PCDH9: variants seen among roughly 807,000 people sequenced by gnomAD.
PCDH9 encodes protocadherin-9.
A neutral mutation model predicts 70.6 loss-of-function variants in PCDH9; 24 were observed. The observed-to-expected ratio is 0.34, with a 90% CI of 0.25 to 0.48. The LOEUF (loss-of-function observed/expected upper bound fraction) is 0.48. Among genes scored for constraint, PCDH9 ranks in the 20% least tolerant of loss-of-function variants. The pLI is 0.99. For synonymous variants in PCDH9, 562 were observed against 558.5 expected (o/e 1.01, Z -0.09); for missense variants, 1,281 against 1,503.6 (o/e 0.85, Z 2.45).
intron 4 of PCDH9, among the ~76,000 whole-genome samples, chr13:66,579,603 T>C (rs2076862236): frequency 6.6e-6 from 1 of 152,060 alleles, no homozygotes; most frequent in Admixed American, 6.6e-5. Flanking sequence ...TAGCAATCAT[T>C]GTGGCAATAA....
At chr13:66,615,652 G>C (rs964596087) in intron 4 of PCDH9, among the ~76,000 whole-genome samples, 1 of 152,178 alleles carries the variant, frequency 6.6e-6, no homozygotes, top group Non-Finnish European at 1.5e-5. Context: ...ATCATGAAGA[G>C]CTGAAATACT....
intron 2 of PCDH9, among the ~76,000 whole-genome samples, chr13:66,945,147 T>A (rs193146484): frequency 1.5e-3 from 229 of 152,206 alleles, no homozygotes; most frequent in African/African-American, 5.4e-3. Context: ...AAGGTATCTA[T>A]ATCAGGAAGA....
At chr13:66,959,997 C>T (rs553862589) in intron 2 of PCDH9, among the ~76,000 whole-genome samples, 1 of 152,158 alleles carries the variant, frequency 6.6e-6, no homozygotes, top group Admixed American at 6.5e-5. Flanking sequence ...TCTAACAAAT[C>T]AGAATACTTA....
chr13:66,665,568 A>T (rs1324076557), intron 3 of PCDH9, among the ~76,000 whole-genome samples: 3 of 152,092 alleles, frequency 2.0e-5, no homozygotes, highest in Non-Finnish European at 4.4e-5. Context: ...GACTTCCTTG[A>T]CGCATCCAAT....
At chr13:66,375,586 T>C (rs1475655275) in intron 4 of PCDH9, among the ~76,000 whole-genome samples, 1 of 152,140 alleles carries the variant, frequency 6.6e-6, no homozygotes, top group African/African-American at 2.4e-5. Context: ...TTAAGTATTA[T>C]CTTGTAATAT....
intron 4 of PCDH9, among the ~76,000 whole-genome samples, chr13:66,628,115 G>A (rs547004934): frequency 3.3e-5 from 5 of 152,134 alleles, no homozygotes; most frequent in South Asian, 4.1e-4. Context: ...TTTTCTAGCC[G>A]AAAAAACAAA....
chr13:67,007,297 T>G (rs2084371772), intron 2 of PCDH9, among the ~76,000 whole-genome samples: 1 of 152,004 alleles, frequency 6.6e-6, no homozygotes, highest in Non-Finnish European at 1.5e-5. Flanking sequence ...TTTATAAGTA[T>G]TAAAAGATAA....
chr13:66,325,313 G>A (rs985743510), intron 4 of PCDH9, among the ~76,000 whole-genome samples: 1 of 151,982 alleles, frequency 6.6e-6, no homozygotes, highest in African/African-American at 2.4e-5. Context: ...AAGGATAAGC[G>A]CTGGTCTTTA....
chr13:66,667,439 T>A (rs1195444978), intron 3 of PCDH9, among the ~76,000 whole-genome samples: 1 of 152,200 alleles, frequency 6.6e-6, no homozygotes, highest in African/African-American at 2.4e-5. Flanking sequence ...CCTTATTTTT[T>A]TTCTCTCAGT....
At chr13:67,013,570 A>G (rs757189118) in intron 2 of PCDH9, among the ~76,000 whole-genome samples, 27 of 152,058 alleles carry the variant, frequency 1.8e-4, no homozygotes, top group Non-Finnish European at 3.2e-4. Flanking sequence ...TAATTATAAC[A>G]CAATGCTTTA....
intron 2 of PCDH9, among the ~76,000 whole-genome samples, chr13:67,128,714 G>A (rs542704185): frequency 5.9e-5 from 9 of 152,260 alleles, no homozygotes; most frequent in Non-Finnish European, 1.2e-4. Context: ...GGCTTTTGTG[G>A]ATAAACGATA....
chr13:66,432,279 C>T (rs751623326), intron 4 of PCDH9, among the ~76,000 whole-genome samples: 3 of 151,806 alleles, frequency 2.0e-5, no homozygotes, highest in Non-Finnish European at 4.4e-5. Flanking sequence ...GTAGCAGACC[C>T]AATAGAAGAA....
At chr13:66,700,182 G>A (rs1462249698) in intron 3 of PCDH9, among the ~76,000 whole-genome samples, 1 of 151,988 alleles carries the variant, frequency 6.6e-6, no homozygotes, top group Non-Finnish European at 1.5e-5. Flanking sequence ...GCTCCTTCAT[G>A]GGGTGAGAGA....
intron 4 of PCDH9, among the ~76,000 whole-genome samples, chr13:66,451,892 A>G (rs1011953136): frequency 1.3e-5 from 2 of 152,252 alleles, no homozygotes; most frequent in Non-Finnish European, 2.9e-5. Flanking sequence ...TTCAAAGATA[A>G]CAATGGCAAT....
At chr13:67,023,282 C>A (rs1311230825) in intron 2 of PCDH9, among the ~76,000 whole-genome samples, 1 of 152,080 alleles carries the variant, frequency 6.6e-6, no homozygotes, top group Non-Finnish European at 1.5e-5. Flanking sequence ...TCCCCACACT[C>A]CTTTTTCTTT....
At chr13:66,568,683 A>C (rs1322133455) in intron 4 of PCDH9, among the ~76,000 whole-genome samples, 5 of 151,952 alleles carry the variant, frequency 3.3e-5, no homozygotes, top group Admixed American at 6.6e-5. Flanking sequence ...AAAAAAAAAA[A>C]AGAAAATGAT....
At chr13:66,995,754 T>A (rs2084101107) in intron 2 of PCDH9, among the ~76,000 whole-genome samples, 1 of 152,178 alleles carries the variant, frequency 6.6e-6, no homozygotes, top group Non-Finnish European at 1.5e-5. Flanking sequence ...GATTGAAAAA[T>A]TATGTATATC....
intron 3 of PCDH9, among the ~76,000 whole-genome samples, chr13:66,654,530 T>G (rs911481543): frequency 5.3e-5 from 8 of 152,144 alleles, no homozygotes; most frequent in African/African-American, 1.7e-4. Flanking sequence ...TACCCAGTTA[T>G]CCTGATGTGA....
chr13:67,192,383 C>T (rs1356479963), intron 2 of PCDH9, among the ~76,000 whole-genome samples: 3 of 152,146 alleles, frequency 2.0e-5, no homozygotes, highest in Non-Finnish European at 4.4e-5. Flanking sequence ...AAGGTTTAAT[C>T]TCTCTTCTAA....
Sources: allele counts gnomAD v4.1 joint callset (sites outside exome capture counted in the v4.1 genomes callset), GRCh38; gene constraint gnomAD v4.1.1; transcripts MANE v1.5; gene names NCBI Gene and HGNC (gene_info 2026-07-23, HGNC 2026-07-21).